Variants in FCRL2 observed in about 807,000 individuals in gnomAD.
The protein encoded by FCRL2 is Fc receptor like 2, also known as Fc receptor-like protein 2.
Under a neutral mutation model 59.8 loss-of-function variants are expected in FCRL2, and 48 were observed. The ratio of observed to expected loss-of-function variants is 0.80; its 90% CI spans 0.64 to 1.02. The LOEUF is 1.02. Ranked by LOEUF, FCRL2 falls within the 50% of genes least tolerant of loss-of-function variation. FCRL2 has a pLI of 0.00. For synonymous variants in FCRL2, 251 were observed against 229.5 expected (o/e 1.09, Z -0.85); for missense variants, 658 against 597.3 (o/e 1.10, Z -1.06).
chr1:157,772,663 T>C (rs1193273107), intron 2 of FCRL2, among the ~76,000 whole-genome samples: 1 of 152,218 alleles, frequency 6.6e-6, no homozygotes, highest in African/African-American at 2.4e-5. Context: ...CTACTATTAT[T>C]AGCTGTGTGA....
At chr1:157,761,205 A>G (rs1318511680) in intron 7 of FCRL2, among the ~76,000 whole-genome samples, 1 of 152,202 alleles carries the variant, frequency 6.6e-6, no homozygotes, top group African/African-American at 2.4e-5. Context: ...CAGGTGGTGC[A>G]ACAAAGTTAG....
intron 2 of FCRL2, among the ~76,000 whole-genome samples, chr1:157,770,917 C>T (rs983326772): frequency 6.6e-6 from 1 of 152,174 alleles, no homozygotes; most frequent in Non-Finnish European, 1.5e-5. Flanking sequence ...CAATTCTGGA[C>T]GTTGAAAGTC....
In FCRL2 at chr1:157,767,314, G is replaced by A; in HGVS notation, c.1079C>T (p.Ala360Val). 1.9e-6 allele frequency: 3 copies of A among 1,614,208 alleles called. No homozygotes were observed. The highest frequency in any genetic ancestry group is 2.5e-6 in the Non-Finnish European group (3 of 1,180,034). ...ACAGGAGTAGTTTCCAGAATGTTCT[G>A]CAGTCAAAGAGAGGTTGAAGGAGGC... ...GGASFNLSLT[A>V]EHSGNYSCEA... The change falls in exon 6 of 12, where the codon GCA becomes GTA. Residue 360 changes from alanine to valine, a missense_variant. Physicochemically the swap from Ala to Val is moderately conservative, Grantham distance 64. Coordinates refer to ENST00000361516, the MANE Select transcript of FCRL2 (RefSeq NM_030764.4).
intron 2 of FCRL2, among the ~76,000 whole-genome samples, chr1:157,773,955 G>A (rs531157984): frequency 6.6e-6 from 1 of 152,324 alleles, no homozygotes; most frequent in South Asian, 2.1e-4. Context: ...GCAGGGAGAA[G>A]GGTAGGTTGT....
intron 5 of FCRL2, 164 bp from the exon 6 acceptor site, chr1:157,767,673 A>G: frequency 1.9e-6 from 3 of 1,585,466 alleles, no homozygotes; most frequent in African/African-American, 2.7e-5. Flanking sequence ...TCAACAATAT[A>G]TTTAGACGTT....
chr1:157,773,422 C>T (rs1571299740), intron 2 of FCRL2, among the ~76,000 whole-genome samples: 1 of 152,148 alleles, frequency 6.6e-6, no homozygotes. Flanking sequence ...AACTGCACTT[C>T]AAGAGCAACC....
At position 157,746,998 on chromosome 1, in the gene FCRL2, T is replaced by C. The variant is rs981540331; in HGVS notation, c.1460-99A>G. 10 of 1,240,166 alleles carry C rather than the reference T, an allele frequency of 8.1e-6. No homozygotes were observed. The African/African-American group carries it at 1.5e-4, about 19-fold the overall frequency. 76.8% of individuals were successfully genotyped at this position (1,240,166 alleles called of 1,614,324 possible). On this transcript the variant is annotated intron_variant, in intron 10 of 11. Transcript: ENST00000361516. ...GGGCATAGAACTACTATGCTTAGTA[T>C]GTGGAATCCCATTTTCTCCTGTTCT...
rs1295583089 is a variant in FCRL2, at chr1:157,746,762, T to A, written c.1501A>T (p.Ile501Phe). 6 of 1,614,010 alleles carry A rather than the reference T, an allele frequency of 3.7e-6. No homozygotes were observed. The highest frequency in any genetic ancestry group is 4.2e-6 in the Non-Finnish European group (5 of 1,179,892). ...TLLENKDSQVIYSSVKKS is the reference protein window; with the variant it reads ...TLLENKDSQVFYSSVKKS ...TATGATTTCTTCACAGAAGAGTAGA[T>A]GACTTGGGAGTCCTGGGAGAGACAC... The change falls in exon 12 of 12, where the codon ATC becomes TTC. Residue 501 changes from isoleucine to phenylalanine, a missense_variant. By Grantham distance (21) the Ile-to-Phe change is conservative. Transcript: ENST00000361516.
intron 2 of FCRL2, among the ~76,000 whole-genome samples, chr1:157,772,909 G>A: frequency 6.6e-6 from 1 of 152,134 alleles, no homozygotes; most frequent in South Asian, 2.1e-4. Context: ...CACCAGAAGA[G>A]TGCCTCAATT....
At chr1:157,770,244 A>G in intron 3 of FCRL2, 94 bp from the exon 4 acceptor site, 1 of 1,494,094 alleles carries the variant, frequency 6.7e-7, no homozygotes, top group Non-Finnish European at 9.1e-7. Context: ...CAAACAGGAC[A>G]TTCAGAGCTA....
At chr1:157,767,806 T>C in intron 5 of FCRL2, 1 of 920,834 alleles carries the variant, frequency 1.1e-6, no homozygotes, top group Non-Finnish European at 1.5e-6. Context: ...TATCCTATAA[T>C]TTTTTATTAG....
At chr1:157,775,424 A>G (rs570753907) in intron 2 of FCRL2, among the ~76,000 whole-genome samples, 132 of 152,346 alleles carry the variant, frequency 8.7e-4, no homozygotes, top group Non-Finnish European at 1.5e-3. Context: ...AGCTGTAAAA[A>G]CATTCAGCAT....
At chr1:157,773,483 A>G (rs1002060595) in intron 2 of FCRL2, among the ~76,000 whole-genome samples, 1 of 152,224 alleles carries the variant, frequency 6.6e-6, no homozygotes, top group African/African-American at 2.4e-5. Flanking sequence ...GGAATACTGA[A>G]TAAATGAAGG....
chr1:157,754,094 G>C (rs747591348), intron 7 of FCRL2, among the ~76,000 whole-genome samples: 16 of 152,128 alleles, frequency 1.1e-4, no homozygotes, highest in Non-Finnish European at 1.9e-4. Flanking sequence ...ATTTGAACCA[G>C]AGCAACTCCA....
chr1:157,759,265 G>A (rs528003579), intron 7 of FCRL2, among the ~76,000 whole-genome samples: 10 of 152,164 alleles, frequency 6.6e-5, no homozygotes, highest in East Asian at 1.9e-4. Flanking sequence ...ACTGTGAGTC[G>A]ATTAAACCTC....
intron 7 of FCRL2, among the ~76,000 whole-genome samples, chr1:157,750,273 G>A (rs1571250338): frequency 6.6e-6 from 1 of 152,262 alleles, no homozygotes; most frequent in East Asian, 1.9e-4. Flanking sequence ...TCCTCATAGC[G>A]ATCCAGGAGA....
chr1:157,759,058 G>T (rs1158880669), intron 7 of FCRL2, among the ~76,000 whole-genome samples: 1 of 152,190 alleles, frequency 6.6e-6, no homozygotes, highest in African/African-American at 2.4e-5. Context: ...GGAGGGACCC[G>T]GTGGGAGGTA....
intron 8 of FCRL2, 47 bp downstream of exon 8, chr1:157,749,603 T>C: frequency 1.4e-6 from 2 of 1,448,742 alleles, no homozygotes; most frequent in Non-Finnish European, 1.9e-6. Flanking sequence ...TAAAACTGAA[T>C]GAAGGAGACC....
intron 7 of FCRL2, among the ~76,000 whole-genome samples, chr1:157,760,229 A>T (rs1241494705): frequency 6.6e-6 from 1 of 152,190 alleles, no homozygotes; most frequent in Non-Finnish European, 1.5e-5. Context: ...GATATGTGAG[A>T]GCTAAACGTT....
Sources: gnomAD v4.1 joint callset for allele counts (sites outside exome capture counted in the v4.1 genomes callset) on GRCh38, gnomAD v4.1.1 for gene constraint, MANE v1.5 for transcripts, NCBI Gene and HGNC (gene_info 2026-07-23, HGNC 2026-07-21) for gene names.